TMEM255B: variants seen among roughly 807,000 people sequenced by gnomAD.
TMEM255B encodes the protein family with sequence similarity 70, member B.
In TMEM255B, 35 loss-of-function variants were observed where a neutral mutation model predicts 34.5. The observed-to-expected ratio is 1.01, with a 90% CI of 0.77 to 1.34. The LOEUF is 1.34. Among genes scored for constraint, TMEM255B ranks in the 40% most tolerant of loss-of-function variants. The pLI, the probability that TMEM255B is intolerant of heterozygous loss-of-function variation, is 0.00. For missense variants in TMEM255B, 432 were observed against 433.2 expected, an observed-to-expected ratio of 1.00 and a Z score of 0.02; for synonymous variants, 206 against 201.2, an observed-to-expected ratio of 1.02 and a Z score of -0.20.
chr13:113,763,557 A>G (rs1018843392), intron 1 of TMEM255B, among the ~76,000 whole-genome samples: 2 of 152,244 alleles, frequency 1.3e-5, no homozygotes, highest in African/African-American at 2.4e-5. Flanking sequence ...AAAAATTACT[A>G]TAAAGCATTG....
chr13:113,774,069 C>CAT (rs535262166), intron 3 of TMEM255B, among the ~76,000 whole-genome samples: 96 of 152,180 alleles, frequency 6.3e-4, no homozygotes, highest in African/African-American at 2.3e-3. Context: ...AAGAAAATCG[C>CAT]AATGAACCCT....
rs199679712 is a variant in TMEM255B at position 113,790,228 on chromosome 13, G to A, written c.253-4920G>A. ...TGACCGGGCATGTGGACATCCTAGC[G>A]CTGGACTGACCGGGCACGTGGGCAT... On this transcript the variant is annotated intron_variant, in intron 3 of 8. Coordinates refer to ENST00000375353, the MANE Select transcript of TMEM255B (RefSeq NM_182614.4). 4.7e-4 allele frequency among the ~76,000 whole-genome samples: 47 copies of A among 100,450 alleles called. 10 individuals carry two copies. In the South Asian group the frequency reaches 7.9e-3, roughly 17 times the overall value. The allele number at this position is 100,450 out of a possible 152,430, so 65.9% of individuals were successfully genotyped here.
Position 113,766,277 on chromosome 13 carries a change from G to A in TMEM255B, c.189+20G>A, listed in dbSNP as rs780603374. ...ATCATTGTGAGTGCGCCGGGCGGGCGGCCTGGGCCGGGGAGGGCAGGGTGG... is the reference window on the plus strand; with the variant it reads ...ATCATTGTGAGTGCGCCGGGCGGGCAGCCTGGGCCGGGGAGGGCAGGGTGG... On this transcript the variant is annotated intron_variant, in intron 2 of 8. Coordinates refer to ENST00000375353, the MANE Select transcript of TMEM255B (RefSeq NM_182614.4). 5 of 1,613,440 alleles carry A rather than the reference G, an allele frequency of 3.1e-6. No homozygotes were observed. Among genetic ancestry groups the A allele is most frequent in the African/African-American group, 2.7e-5 (2 of 75,064 alleles).
At chr13:113,765,270 T>G (rs371798879) in intron 1 of TMEM255B, among the ~76,000 whole-genome samples, 2 of 152,206 alleles carry the variant, frequency 1.3e-5, no homozygotes, top group African/African-American at 4.8e-5. Flanking sequence ...ATCTGCACAT[T>G]GATTTATAGT....
Position 113,812,596 on chromosome 13 carries a change from C to G in TMEM255B, c.*693C>G, listed in dbSNP as rs2051333439. 6.6e-6 allele frequency: 1 copy of G among 152,630 alleles called. No homozygotes were observed. The highest frequency in any genetic ancestry group is 1.5e-5 in the Non-Finnish European group (1 of 68,354). The allele number at this position is 152,630 out of a possible 1,614,324, so 9.5% of individuals were successfully genotyped here. Reference sequence around the variant, plus strand: ...CCCTCACCGCACCTTGTCTCAGGACCCCTGGCCGCTGGGATGGTGGGGGAC... The same window carrying G: ...CCCTCACCGCACCTTGTCTCAGGACGCCTGGCCGCTGGGATGGTGGGGGAC... On this transcript the variant is annotated 3_prime_UTR_variant, in exon 9 of 9. Coordinates refer to ENST00000375353, the MANE Select transcript of TMEM255B (RefSeq NM_182614.4).
intron 3 of TMEM255B, among the ~76,000 whole-genome samples, chr13:113,792,181 C>T (rs1456895452): frequency 6.6e-6 from 1 of 152,232 alleles, no homozygotes; most frequent in Non-Finnish European, 1.5e-5. Context: ...ATGTATTTTA[C>T]GTATTTATAC....
Position 113,781,204 on chromosome 13 carries a change from G to C in TMEM255B, c.252+12044G>C, listed in dbSNP as rs1204244125. 2.0e-5 allele frequency among the ~76,000 whole-genome samples: 3 copies of C among 152,224 alleles called. No homozygotes were observed. The South Asian group carries it at 6.2e-4, about 32-fold the overall frequency. On this transcript the variant is annotated intron_variant, in intron 3 of 8. Transcript: ENST00000375353. ...TCTTTACAATTTTTGTTAAAGAGCAGGCTAGTGCTCTAAGAGAAACCCATT... is the reference window on the plus strand; with the variant it reads ...TCTTTACAATTTTTGTTAAAGAGCACGCTAGTGCTCTAAGAGAAACCCATT...
At chr13:113,772,568 C>T (rs774512921) in intron 3 of TMEM255B, among the ~76,000 whole-genome samples, 5 of 152,220 alleles carry the variant, frequency 3.3e-5, no homozygotes, top group African/African-American at 4.8e-5. Context: ...TTCTGTGATC[C>T]ACCTTGAGTT....
At chr13:113,795,646 GCACA>G (rs1215448494) in intron 4 of TMEM255B, among the ~76,000 whole-genome samples, 1 of 125,218 alleles carries the variant, frequency 8.0e-6, no homozygotes, top group Non-Finnish European at 1.6e-5. Flanking sequence ...AGAGCACACA[GCACA>G]CACACAACAG....
intron 5 of TMEM255B, among the ~76,000 whole-genome samples, chr13:113,800,272 CTG>C (rs1260363422): frequency 5.5e-5 from 6 of 108,616 alleles, no homozygotes; most frequent in Non-Finnish European, 7.3e-5. Context: ...TGGAGGTGTC[CTG>C]TGTGTGTGTG....
intron 3 of TMEM255B, among the ~76,000 whole-genome samples, chr13:113,773,872 T>C (rs1370290434): frequency 1.3e-5 from 2 of 152,144 alleles, no homozygotes; most frequent in Non-Finnish European, 2.9e-5. Context: ...TGTTATACAC[T>C]GGTTTTAAGT....
rs1439403561 is a variant in TMEM255B, at chr13:113,770,555, G to A, written c.252+1395G>A. 6.6e-6 allele frequency among the ~76,000 whole-genome samples: 1 copy of A among 152,240 alleles called. No homozygotes were observed. The highest frequency in any genetic ancestry group is 1.5e-5 in the Non-Finnish European group (1 of 68,042). On this transcript the variant is annotated intron_variant, in intron 3 of 8. Coordinates refer to ENST00000375353, the MANE Select transcript of TMEM255B (RefSeq NM_182614.4). This position sits in a 1 kb window ranked among gnomAD's most constrained non-coding sequence, Gnocchi z 4.6. ...GACACTGGGATTCTGGTGGAGCAAA[G>A]CGTTCTGTTCTGCATAGTAGAGACA... is the stretch of plus-strand genomic sequence containing the variant.
Position 113,815,334 on chromosome 13 carries a change from C to T in TMEM255B, c.*3431C>T, listed in dbSNP as rs1178450169. Reference sequence around the variant, plus strand: ...TGACGGTCCGTCCACGTGGGGTCACCGGCCACGGAGAGAGGAAGGGACATG... The same window carrying T: ...TGACGGTCCGTCCACGTGGGGTCACTGGCCACGGAGAGAGGAAGGGACATG... On this transcript the variant is annotated 3_prime_UTR_variant, in exon 9 of 9. Transcript: ENST00000375353. 1.3e-5 allele frequency: 2 copies of T among 149,724 alleles called. No homozygotes were observed. The highest frequency in any genetic ancestry group is 6.7e-5 in the Admixed American group (1 of 15,032). 9.3% of individuals were successfully genotyped at this position (149,724 alleles called of 1,614,324 possible).
chr13:113,809,258 G>A (rs1310458212), intron 8 of TMEM255B, among the ~76,000 whole-genome samples: 5 of 109,760 alleles, frequency 4.6e-5, no homozygotes, highest in Admixed American at 1.9e-4. Context: ...GGTTTACTCT[G>A]TGGTTCCTGG....
rs71105216 is a variant in TMEM255B at position 113,782,673 on chromosome 13, G to GGC, written c.253-12474_253-12473insCG. 1.5e-4 allele frequency among the ~76,000 whole-genome samples: 8 copies of GGC among 54,512 alleles called. No homozygotes were observed. The South Asian group carries it at 8.5e-3, about 58-fold the overall frequency. The allele number at this position is 54,512 out of a possible 152,430, so 35.8% of individuals were successfully genotyped here. ...GATGAGATTTCCTCCTGTGATGGTC[G>GGC]GAGGGGGGGGCTTCATTATGAGCCC... On this transcript the variant is annotated intron_variant, in intron 3 of 8. Transcript: ENST00000375353.
rs879674714 is a variant in TMEM255B at position 113,812,964 on chromosome 13, CCCCGGGTGGGTCACGGGT to C, written c.*1084_*1101del. The C allele has an allele frequency of 0.075, 7,874 of 105,680 alleles. 514 individuals carry two copies. Among genetic ancestry groups the C allele is most frequent in the Non-Finnish European group, 0.088 (4,912 of 55,948 alleles). The allele number at this position is 105,680 out of a possible 1,614,324, so 6.5% of individuals were successfully genotyped here. ...TCACGGGTCCCGGGTGGGTCACGGG[CCCCGGGTGGGTCACGGGT>C]CCCGGGTGGGTCACGGGTCCCGAGT... On this transcript the variant is annotated 3_prime_UTR_variant, in exon 9 of 9. Transcript: ENST00000375353.
At chr13:113,763,494 G>A (rs1443580014) in intron 1 of TMEM255B, among the ~76,000 whole-genome samples, 1 of 152,060 alleles carries the variant, frequency 6.6e-6, no homozygotes, top group Admixed American at 6.6e-5. Context: ...TCGGGCAAAC[G>A]ACCGTGAACA....
intron 1 of TMEM255B, chr13:113,761,069 TA>T: frequency 1.7e-6 from 1 of 576,568 alleles, no homozygotes; most frequent in Non-Finnish European, 2.2e-6. Flanking sequence ...TGGGCATGTG[TA>T]AAATCAGGAC....
At chr13:113,764,034 C>T (rs370972874) in intron 1 of TMEM255B, among the ~76,000 whole-genome samples, 9 of 151,918 alleles carry the variant, frequency 5.9e-5, no homozygotes, top group African/African-American at 1.7e-4. Context: ...GCCTGGGCCT[C>T]GGTCACTTGA....
Sources: gnomAD v4.1 joint callset for allele counts (sites outside exome capture counted in the v4.1 genomes callset) on GRCh38, gnomAD v4.1.1 for gene constraint, Gnocchi (gnomAD v3.1) non-coding constraint, MANE v1.5 for transcripts, NCBI Gene and HGNC (gene_info 2026-07-23, HGNC 2026-07-21) for gene names.